Variants in LY75 observed in about 807,000 individuals in gnomAD.
LY75 encodes C-type lectin domain family 13 member B.
LY75 carries 185 observed loss-of-function variants against 231.7 expected under a neutral mutation model. That is an observed-to-expected ratio of 0.80 (90% CI 0.71 to 0.90). The LOEUF (loss-of-function observed/expected upper bound fraction) is 0.90, where lower values mean the gene tolerates loss of function less well. Among genes scored for constraint, LY75 ranks in the 40% least tolerant of loss-of-function variants. LY75 has a pLI of 0.00. For synonymous variants in LY75, 668 were observed against 689.0 expected (o/e 0.97, Z 0.48); for missense variants, 1,947 against 2,050.2 (o/e 0.95, Z 0.97).
intron 28 of LY75, among the ~76,000 whole-genome samples, chr2:159,825,754 T>C (rs1398102831): frequency 6.6e-6 from 1 of 152,180 alleles, no homozygotes; most frequent in East Asian, 1.9e-4. Context: ...AAAAAGTTTA[T>C]CCACCAGGAT....
chr2:159,816,792 G>T lies in LY75; in HGVS notation c.4380+14C>A, dbSNP rs760369583. The T allele has an allele frequency of 1.3e-5, 21 of 1,606,808 alleles. No individual in the cohort carries two copies. Among genetic ancestry groups the T allele is most frequent in the Non-Finnish European group, 1.4e-5 (17 of 1,176,110 alleles). On this transcript the variant is annotated intron_variant, in intron 30 of 34. Transcript: ENST00000263636. ...CACATTTGAAAAGTTTCTGGAAAACGAAGCAAGACTTACATCATGACTTGA... is the reference window on the plus strand; with the variant it reads ...CACATTTGAAAAGTTTCTGGAAAACTAAGCAAGACTTACATCATGACTTGA...
chr2:159,846,569 T>A (rs1574552993), intron 23 of LY75, among the ~76,000 whole-genome samples: 2 of 152,076 alleles, frequency 1.3e-5, no homozygotes, highest in South Asian at 2.1e-4. Context: ...GAAGAAAATA[T>A]GGACATATAT....
intron 25 of LY75, 113 bp downstream of exon 25, chr2:159,840,616 G>C (rs1016124589): frequency 6.9e-7 from 1 of 1,459,470 alleles, no homozygotes; most frequent in East Asian, 2.4e-5. Context: ...AAATTTACTG[G>C]AGTAAGATTT....
intron 7 of LY75, among the ~76,000 whole-genome samples, chr2:159,881,593 C>A (rs890758127): frequency 6.6e-6 from 1 of 152,160 alleles, no homozygotes; most frequent in Non-Finnish European, 1.5e-5. Context: ...GCTGCCTTCA[C>A]AAGTGAAACA....
At position 159,882,113 on chromosome 2, in the gene LY75, T is replaced by A. The variant is rs1477529816; in HGVS notation, c.1246+11A>T. 1.2e-6 allele frequency: 2 copies of A among 1,606,766 alleles called. No homozygotes were observed. Among genetic ancestry groups the A allele is most frequent in the African/African-American group, 2.7e-5 (2 of 74,516 alleles). ...TTAAGCCTCTCAAATAGGGTATTTT[T>A]AAAAACTTACCCTCATTATGGAGTT... On this transcript the variant is annotated intron_variant, in intron 7 of 34. Coordinates refer to ENST00000263636, the MANE Select transcript of LY75 (RefSeq NM_002349.4).
intron 25 of LY75, among the ~76,000 whole-genome samples, chr2:159,836,441 C>T (rs1683828823): frequency 1.3e-5 from 2 of 152,094 alleles, no homozygotes; most frequent in African/African-American, 4.8e-5. Context: ...CTGCCAAGGT[C>T]CTGACCACCC....
In LY75 at chr2:159,874,127, T is replaced by A. The variant is rs1028021246; in HGVS notation, c.1974+1317A>T. Among the ~76,000 whole-genome samples the A allele has an allele frequency of 3.3e-3, 393 of 117,598 alleles. 16 individuals are homozygous for A. Among genetic ancestry groups the A allele is most frequent in the African/African-American group, 0.012 (358 of 29,434 alleles). 77.1% of individuals were successfully genotyped at this position (117,598 alleles called of 152,430 possible). ...TATAAACGTATATATATTTTGTAAA[T>A]ATATAAACGTATATATATTTTGTAA... On this transcript the variant is annotated intron_variant, in intron 12 of 34. Coordinates refer to ENST00000263636, the MANE Select transcript of LY75 (RefSeq NM_002349.4).
At chr2:159,879,143 C>T in intron 9 of LY75, 116 bp downstream of exon 9, 1 of 1,182,134 alleles carries the variant, frequency 8.5e-7, no homozygotes, top group Non-Finnish European at 1.2e-6. Flanking sequence ...CTTAAATGAA[C>T]AGAAGCTAGT....
intron 28 of LY75, among the ~76,000 whole-genome samples, chr2:159,829,381 A>G (rs1273767393): frequency 6.6e-6 from 1 of 152,224 alleles, no homozygotes; most frequent in Non-Finnish European, 1.5e-5. Flanking sequence ...GTTTTAAGAA[A>G]AAGTCACTTT....
At position 159,881,238 on chromosome 2, in the gene LY75, T is replaced by C. The variant is rs1313585229; in HGVS notation, c.1249A>G (p.Ile417Val). ...VVVTKLHNED[I>V]KEEVWIGLKN... ...AGGCCTATCCACACTTCTTCTTTGA[T>C]ATCTAAAAGAAAAATGTATTATTTG... is the stretch of plus-strand genomic sequence containing the variant. The change falls in exon 8 of 35, where the codon ATC becomes GTC. Residue 417 changes from isoleucine to valine, a missense_variant and splice_region_variant. Physicochemically the swap from Ile to Val is conservative, Grantham distance 29. Coordinates refer to ENST00000263636, the MANE Select transcript of LY75 (RefSeq NM_002349.4). 1 of 1,608,960 alleles carries C rather than the reference T, an allele frequency of 6.2e-7. No individual in the cohort carries two copies. Among genetic ancestry groups the C allele is most frequent in the Non-Finnish European group, 8.5e-7 (1 of 1,177,958 alleles).
intron 24 of LY75, among the ~76,000 whole-genome samples, chr2:159,841,745 A>G (rs1684036346): frequency 6.6e-6 from 1 of 152,098 alleles, no homozygotes; most frequent in Non-Finnish European, 1.5e-5. Context: ...TCAATACTGC[A>G]CTCAATTAAA....
chr2:159,861,522 C>A (rs1184465632), intron 14 of LY75, among the ~76,000 whole-genome samples: 1 of 152,040 alleles, frequency 6.6e-6, no homozygotes, highest in East Asian at 1.9e-4. Flanking sequence ...CCAAGGTTGG[C>A]AGATGGCTTG....
rs1211253014 is a variant in LY75 at position 159,872,527 on chromosome 2, G to A, written c.2041C>T (p.Leu681Phe). 6.2e-7 allele frequency: 1 copy of A among 1,613,956 alleles called. No homozygotes were observed. The highest frequency in any genetic ancestry group is 1.7e-5 in the Admixed American group (1 of 59,978). ...CTGAAGCTAGAAAGGTGTGCTCCAA[G>A]GGCTTGGCAGAATCGTTCAGCTTCT... Reference protein sequence around the residue: ...WEEAERFCQALGAHLSSFSHV... With the variant: ...WEEAERFCQAFGAHLSSFSHV... Residue 681 changes from leucine to phenylalanine, a missense_variant, in exon 13 of 35, where the codon CTT (leucine) becomes TTT (phenylalanine). Leu to Phe is a conservative substitution (Grantham distance 22, BLOSUM62 0). Transcript: ENST00000263636.
intron 13 of LY75, 69 bp downstream of exon 13, chr2:159,872,382 A>C (rs1685041083): frequency 4.5e-6 from 7 of 1,562,568 alleles, no homozygotes; most frequent in Non-Finnish European, 8.7e-7. Context: ...TGAGGGTAAG[A>C]ACATGTCAAT....
In LY75 at chr2:159,810,616, A is replaced by G. The variant is rs202126019; in HGVS notation, c.4609T>C (p.Ser1537Pro). ...SRCPAAKENG[S>P]RWIQYKGHCY... ...TGACCCTTGTACTGGATCCACCGTG[A>G]CCCATTCTCTTTTGCTGCTGGACAT... The change falls in exon 32 of 35, where the codon TCA (serine) becomes CCA (proline). Residue 1537 changes from serine to proline, a missense_variant. Transcript: ENST00000263636. The G allele has an allele frequency of 6.2e-7, 1 of 1,614,108 alleles. No homozygotes were observed. Among genetic ancestry groups the G allele is most frequent in the African/African-American group, 1.3e-5 (1 of 75,048 alleles).
At chr2:159,895,441 C>G (rs1180410348) in intron 2 of LY75, among the ~76,000 whole-genome samples, 2 of 152,218 alleles carry the variant, frequency 1.3e-5, no homozygotes, top group East Asian at 3.8e-4. Context: ...AGGACAGTCC[C>G]TGAACACAAA....
chr2:159,880,253 A>G (rs1685394405), intron 8 of LY75, among the ~76,000 whole-genome samples: 1 of 152,250 alleles, frequency 6.6e-6, no homozygotes, highest in African/African-American at 2.4e-5. Context: ...CTCAAGACAC[A>G]GCCTATTTTG....
At chr2:159,860,791 A>C (rs766244304) in intron 15 of LY75, 30 bp downstream of exon 15, 1 of 1,612,482 alleles carries the variant, frequency 6.2e-7, no homozygotes, top group Non-Finnish European at 8.5e-7. Context: ...TTATGTTTTA[A>C]ATATGCAGAT....
In LY75 at chr2:159,904,578, C is replaced by T; in HGVS notation, c.94+11G>A. ...CCCAGCGGACTGCGGGGCTGGCGTGCCCGCGGTTACCTGCGCGGCCAGAGG... is the reference window on the plus strand; with the variant it reads ...CCCAGCGGACTGCGGGGCTGGCGTGTCCGCGGTTACCTGCGCGGCCAGAGG... On this transcript the variant is annotated intron_variant, in intron 1 of 34. Coordinates refer to ENST00000263636, the MANE Select transcript of LY75 (RefSeq NM_002349.4). The T allele has an allele frequency of 6.6e-7, 1 of 1,506,154 alleles. No homozygotes were observed. The highest frequency in any genetic ancestry group is 8.8e-7 in the Non-Finnish European group (1 of 1,131,056). The allele number at this position is 1,506,154 out of a possible 1,614,324, so 93.3% of individuals were successfully genotyped here.
Sources: allele counts gnomAD v4.1 joint callset (sites outside exome capture counted in the v4.1 genomes callset), GRCh38; gene constraint gnomAD v4.1.1; transcripts MANE v1.5; gene names NCBI Gene and HGNC (gene_info 2026-07-23, HGNC 2026-07-21).